Variants in BACE1 observed in about 807,000 individuals in gnomAD.
BACE1 encodes APP beta-secretase.
BACE1 carries 21 observed loss-of-function variants against 54.0 expected under a neutral mutation model. The observed-to-expected ratio is 0.39, with a 90% CI of 0.28 to 0.56. BACE1 has a LOEUF of 0.56. Ranked by LOEUF, BACE1 falls within the 20% of genes least tolerant of loss-of-function variation. The pLI, the probability that BACE1 is intolerant of heterozygous loss-of-function variation, is 0.63. For missense variants in BACE1, 511 were observed against 661.2 expected, an observed-to-expected ratio of 0.77 and a Z score of 2.49; for synonymous variants, 232 against 260.9, an observed-to-expected ratio of 0.89 and a Z score of 1.07.
chr11:117,307,501 A>G (rs1388296563), intron 1 of BACE1, among the ~76,000 whole-genome samples: 5 of 152,116 alleles, frequency 3.3e-5, no homozygotes, highest in Admixed American at 1.3e-4. Context: ...TGGTAGAGAC[A>G]GGGTTTCACC....
chr11:117,302,394 A>G (rs570326253), intron 1 of BACE1, among the ~76,000 whole-genome samples: 1 of 152,346 alleles, frequency 6.6e-6, no homozygotes, highest in Admixed American at 6.5e-5. Context: ...CTCTGCTGCC[A>G]GCCACACTGA....
intron 1 of BACE1, among the ~76,000 whole-genome samples, chr11:117,312,794 A>AC (rs2034979381): frequency 6.6e-6 from 1 of 152,128 alleles, no homozygotes; most frequent in Non-Finnish European, 1.5e-5. Context: ...GGCACAAACT[A>AC]CGGGGCCCCA....
chr11:117,315,038 C>T lies in BACE1; in HGVS notation c.261+497G>A, dbSNP rs193019104. On this transcript the variant is annotated intron_variant, in intron 1 of 8. Coordinates refer to ENST00000313005, the MANE Select transcript of BACE1 (RefSeq NM_012104.6). The surrounding 1 kb of genome is among the most constrained non-coding windows in gnomAD (Gnocchi z 5.5). ...CAACCTCACTTTGCCGTACCAGTGG[C>T]AGCCCAGATGGTGGGAGCAAGGTGC... 1.2e-4 allele frequency among the ~76,000 whole-genome samples: 18 copies of T among 152,282 alleles called. No individual in the cohort carries two copies. Among genetic ancestry groups the T allele is most frequent in the Admixed American group, 9.8e-4 (15 of 15,298 alleles).
At position 117,288,605 on chromosome 11, in the gene BACE1, C is replaced by T. The variant is rs1255009890; in HGVS notation, c.*961G>A. The T allele has an allele frequency of 6.6e-6, 1 of 152,650 alleles. No individual in the cohort carries two copies. Among genetic ancestry groups the T allele is most frequent in the Non-Finnish European group, 1.5e-5 (1 of 68,048 alleles). 9.5% of individuals were successfully genotyped at this position (152,650 alleles called of 1,614,324 possible). A position where few individuals can be genotyped will look rare whatever the true frequency, so the allele number is the denominator to read the frequency against. Reference sequence around the variant, plus strand: ...CCAGCCCTGCTATAGTCCAGTTGCTCTCCCACAGGGCACCTGGAGCTTAGG... The same window carrying T: ...CCAGCCCTGCTATAGTCCAGTTGCTTTCCCACAGGGCACCTGGAGCTTAGG... On this transcript the variant is annotated 3_prime_UTR_variant, in exon 9 of 9. Coordinates refer to ENST00000313005, the MANE Select transcript of BACE1 (RefSeq NM_012104.6).
intron 3 of BACE1, chr11:117,294,415 G>A (rs962701040): frequency 3.2e-5 from 5 of 157,278 alleles, no homozygotes; most frequent in African/African-American, 9.7e-5. Context: ...TGGGGTAGAT[G>A]GGGTTTCACC....
At chr11:117,299,109 CTT>C (rs1437260273) in intron 1 of BACE1, among the ~76,000 whole-genome samples, 2 of 152,186 alleles carry the variant, frequency 1.3e-5, no homozygotes, top group Non-Finnish European at 2.9e-5. Flanking sequence ...TCTAGCATCA[CTT>C]CTCCTTGGCC....
At chr11:117,292,157 T>C (rs1366201830) in intron 5 of BACE1, 1 of 160,042 alleles carries the variant, frequency 6.2e-6, no homozygotes, top group Admixed American at 6.3e-5. Flanking sequence ...AAATACCTTG[T>C]TTAGTGCTTT....
chr11:117,304,964 C>CTT (rs59652945), intron 1 of BACE1, among the ~76,000 whole-genome samples: 12,771 of 125,402 alleles, frequency 0.1, 900 homozygotes, highest in East Asian at 0.3. Flanking sequence ...TCTTCCTATT[C>CTT]TTTTTTTTTT....
At chr11:117,290,780 C>G (rs1280187043) in intron 7 of BACE1, 120 bp downstream of exon 7, 1 of 1,548,228 alleles carries the variant, frequency 6.5e-7, no homozygotes, top group African/African-American at 1.4e-5. Context: ...TTCTGAGACC[C>G]CTTTACTGCT....
At position 117,287,447 on chromosome 11, in the gene BACE1, T is replaced by G. The variant is rs1303607294; in HGVS notation, c.*2119A>C. On this transcript the variant is annotated 3_prime_UTR_variant, in exon 9 of 9. Transcript: ENST00000313005. The stretch of plus-strand genomic sequence containing the variant: ...AGCAAGAAGCTGTTGTTAAGACTTT[T>G]TTTTACACTTAGAGTTTATAATTTT... 6.6e-6 allele frequency: 1 copy of G among 152,626 alleles called. No homozygotes were observed. The highest frequency in any genetic ancestry group is 6.5e-5 in the Admixed American group (1 of 15,286). The allele number at this position is 152,626 out of a possible 1,614,324, so 9.5% of individuals were successfully genotyped here.
intron 1 of BACE1, chr11:117,299,771 TAAG>T (rs2134469513): frequency 5.5e-5 from 16 of 289,300 alleles, no homozygotes; most frequent in South Asian, 4.3e-4. Flanking sequence ...GGTTAATGAT[TAAG>T]AAGGCTTCTT....
rs1233695138 is a variant in BACE1 at position 117,316,231 on chromosome 11, C to G, written c.-436G>C. The G allele has an allele frequency of 4.6e-6, 2 of 433,756 alleles. No homozygotes were observed. The highest frequency in any genetic ancestry group is 4.7e-5 in the South Asian group (1 of 21,200). The allele number at this position is 433,756 out of a possible 1,614,324, so 26.9% of individuals were successfully genotyped here. A position where few individuals can be genotyped will look rare whatever the true frequency, so the allele number is the denominator to read the frequency against. On this transcript the variant is annotated 5_prime_UTR_variant, in exon 1 of 9. Transcript: ENST00000313005. ...CAGCTCGCGGCTCGCAGCTCCCGGGCGGGCTGGGGAGGCGGAAAGACTTGT... is the reference window on the plus strand; with the variant it reads ...CAGCTCGCGGCTCGCAGCTCCCGGGGGGGCTGGGGAGGCGGAAAGACTTGT...
intron 1 of BACE1, among the ~76,000 whole-genome samples, chr11:117,303,334 C>CA (rs1193924429): frequency 2.0e-5 from 3 of 152,196 alleles, no homozygotes; most frequent in African/African-American, 7.2e-5. Flanking sequence ...ATTTAACAAA[C>CA]AAACGTGTCC....
chr11:117,301,522 T>C (rs1303842697), intron 1 of BACE1, among the ~76,000 whole-genome samples: 1 of 151,858 alleles, frequency 6.6e-6, no homozygotes, highest in Non-Finnish European at 1.5e-5. Flanking sequence ...GGTGAAAGGA[T>C]CGCTTGAGCC....
chr11:117,296,745 G>T, intron 2 of BACE1, 128 bp downstream of exon 2: 2 of 688,334 alleles, frequency 2.9e-6, no homozygotes, highest in Non-Finnish European at 4.8e-6. Flanking sequence ...TCTTTTTTTC[G>T]CCCTTCCCCT....
intron 2 of BACE1, 30 bp downstream of exon 2, chr11:117,296,843 T>TA: frequency 6.4e-7 from 1 of 1,551,386 alleles, no homozygotes. Context: ...TTGGAAAAGG[T>TA]ACTTCCCCCG....
At chr11:117,294,113 C>T (rs1384274791) in intron 3 of BACE1, 105 bp from the exon 4 acceptor site, 1 of 1,351,274 alleles carries the variant, frequency 7.4e-7, no homozygotes, top group African/African-American at 1.5e-5. Context: ...GGGGATGCTC[C>T]TTGGGAAAGA....
chr11:117,299,057 C>G (rs552643759), intron 1 of BACE1, among the ~76,000 whole-genome samples: 7 of 152,114 alleles, frequency 4.6e-5, no homozygotes, highest in African/African-American at 1.7e-4. Context: ...CCACCTGCCT[C>G]GGCCTCCCAA....
intron 1 of BACE1, 120 bp from the exon 2 acceptor site, chr11:117,297,081 C>T (rs917155911): frequency 1.2e-5 from 9 of 745,524 alleles, no homozygotes; most frequent in South Asian, 6.4e-5. Flanking sequence ...TGAAGCTCCA[C>T]GATGCAGGAC....
Sources: gnomAD v4.1 joint callset for allele counts (sites outside exome capture counted in the v4.1 genomes callset) on GRCh38, gnomAD v4.1.1 for gene constraint, Gnocchi (gnomAD v3.1) non-coding constraint, MANE v1.5 for transcripts, NCBI Gene and HGNC (gene_info 2026-07-23, HGNC 2026-07-21) for gene names.